NHS: variants seen among roughly 807,000 people sequenced by gnomAD.
The protein encoded by NHS is NHS actin remodeling regulator, also known as actin remodeling regulator NHS.
NHS carries 5 observed loss-of-function variants against 72.5 expected under a neutral mutation model. The observed-to-expected ratio is 0.07, with a 90% CI of 0.04 to 0.14. The LOEUF (loss-of-function observed/expected upper bound fraction) is 0.14. Ranked by LOEUF, NHS falls within the 10% of genes least tolerant of loss-of-function variation. NHS has a pLI of 1.00. For missense variants in NHS, 1,072 were observed against 1,355.7 expected (o/e 0.79, Z 3.29); for synonymous variants, 464 against 547.7 (o/e 0.85, Z 2.13).
At chrX:17,485,316 G>GA (rs1180465442) in intron 1 of NHS, among the ~76,000 whole-genome samples, 2 of 112,453 alleles carry the variant, frequency 1.8e-5, no homozygotes, top group African/African-American at 6.5e-5. Flanking sequence ...TTGCACATAA[G>GA]AAAAAAATAT....
Position 17,385,024 on chromosome X carries a change from G to A in NHS, c.565+8702G>A, listed in dbSNP as rs745969299. Among the ~76,000 whole-genome samples, 12 of 112,000 alleles carry A rather than the reference G, an allele frequency of 1.1e-4. No homozygotes were observed. In the East Asian group the frequency reaches 3.4e-3, roughly 31 times the overall value. On this transcript the variant is annotated intron_variant, in intron 1 of 8. Transcript: ENST00000676302. Reference sequence around the variant, plus strand: ...AAATAAAAATAATGAGGTAGGAATGGTTCCTGAATGTAAGGATCTCATTCT... The same window carrying A: ...AAATAAAAATAATGAGGTAGGAATGATTCCTGAATGTAAGGATCTCATTCT...
intron 1 of NHS, among the ~76,000 whole-genome samples, chrX:17,415,417 C>A (rs1339260909): frequency 9.0e-6 from 1 of 111,035 alleles, no homozygotes; most frequent in Admixed American, 9.6e-5. Flanking sequence ...CCCTTCCCTC[C>A]CTCATTTCCT....
At chrX:17,477,250 A>G (rs1319132423) in intron 1 of NHS, among the ~76,000 whole-genome samples, 1 of 111,961 alleles carries the variant, frequency 8.9e-6, no homozygotes, top group East Asian at 2.8e-4. Flanking sequence ...AGAAGTGGAT[A>G]TGTGAGTGAA....
chrX:17,592,007 C>A (rs907344220), intron 1 of NHS, among the ~76,000 whole-genome samples: 4 of 102,351 alleles, frequency 3.9e-5, no homozygotes, highest in African/African-American at 1.8e-4. Context: ...GAGTGGTCCA[C>A]TGATGTGTGT....
intron 1 of NHS, among the ~76,000 whole-genome samples, chrX:17,634,432 A>T (rs1197896278): frequency 9.0e-6 from 1 of 110,783 alleles, no homozygotes; most frequent in Non-Finnish European, 1.9e-5. Flanking sequence ...CTCGTCTCCC[A>T]CTCTTCATTA....
intron 1 of NHS, among the ~76,000 whole-genome samples, chrX:17,494,076 CTTTTTTTT>C (rs749475125): frequency 4.1e-5 from 3 of 73,321 alleles, no homozygotes; most frequent in Non-Finnish European, 7.6e-5. Context: ...TCCTGGATGA[CTTTTTTTT>C]TTTTTTTTTT....
chrX:17,454,203 T>C (rs1384200873), intron 1 of NHS, among the ~76,000 whole-genome samples: 1 of 111,928 alleles, frequency 8.9e-6, no homozygotes. Flanking sequence ...GGCTATTTGA[T>C]AGCATTGAAG....
At chrX:17,454,787 C>T (rs193212784) in intron 1 of NHS, among the ~76,000 whole-genome samples, 442 of 112,110 alleles carry the variant, frequency 3.9e-3, no homozygotes, top group South Asian at 9.3e-3. Flanking sequence ...AAGGCATCTA[C>T]GGACTCCATC....
At chrX:17,710,316 T>C (rs866334781) in intron 3 of NHS, among the ~76,000 whole-genome samples, 3 of 112,821 alleles carry the variant, frequency 2.7e-5, no homozygotes, top group African/African-American at 9.7e-5. Context: ...AATATTGGCC[T>C]GGCTGTGGAA....
intron 1 of NHS, among the ~76,000 whole-genome samples, chrX:17,597,039 G>A (rs1426998062): frequency 9.0e-6 from 1 of 110,810 alleles, no homozygotes; most frequent in East Asian, 2.8e-4. Context: ...GTGTGCCCAA[G>A]GTGTAAAGGG....
chrX:17,553,958 G>A (rs898506547), intron 1 of NHS, among the ~76,000 whole-genome samples: 4 of 111,609 alleles, frequency 3.6e-5, no homozygotes, highest in East Asian at 2.8e-4. Flanking sequence ...ACAGAATGGG[G>A]GCAAGACATT....
At chrX:17,418,958 A>G (rs1273852235) in intron 1 of NHS, among the ~76,000 whole-genome samples, 1 of 112,623 alleles carries the variant, frequency 8.9e-6, no homozygotes, top group East Asian at 2.8e-4. Context: ...TAAGGCTCTC[A>G]GAGCAGAGAC....
At chrX:17,565,771 C>A (rs2065440053) in intron 1 of NHS, among the ~76,000 whole-genome samples, 1 of 112,411 alleles carries the variant, frequency 8.9e-6, no homozygotes, top group African/African-American at 3.2e-5. Flanking sequence ...ATGTAGTAGA[C>A]ACCTCATATG....
At chrX:17,390,638 C>T (rs912435477) in intron 1 of NHS, among the ~76,000 whole-genome samples, 2 of 111,922 alleles carry the variant, frequency 1.8e-5, no homozygotes, top group African/African-American at 6.5e-5. Context: ...GGAAGATTTT[C>T]AAACAGTATC....
chrX:17,555,577 C>T (rs1471360946), intron 1 of NHS, among the ~76,000 whole-genome samples: 1 of 111,774 alleles, frequency 8.9e-6, no homozygotes, highest in Admixed American at 9.5e-5. Context: ...AGTGCTGTTC[C>T]TCTCTCTAGC....
At chrX:17,654,906 A>G (rs1297335315) in intron 1 of NHS, among the ~76,000 whole-genome samples, 1 of 112,421 alleles carries the variant, frequency 8.9e-6, no homozygotes, top group Admixed American at 9.3e-5. Flanking sequence ...AACTTAAGCT[A>G]TGGGCACACA....
intron 1 of NHS, among the ~76,000 whole-genome samples, chrX:17,502,720 C>T (rs1363937747): frequency 6.4e-5 from 1 of 15,616 alleles, no homozygotes; most frequent in Admixed American, 5.2e-4. Flanking sequence ...ACCCGGGAGG[C>T]GGAGCTTGCA....
chrX:17,633,275 C>G (rs1033660089), intron 1 of NHS, among the ~76,000 whole-genome samples: 4 of 111,985 alleles, frequency 3.6e-5, no homozygotes, highest in African/African-American at 1.3e-4. Context: ...ACAAGTCCTG[C>G]TGATCTCTTT....
At chrX:17,446,864 A>G (rs921673210) in intron 1 of NHS, among the ~76,000 whole-genome samples, 6 of 111,923 alleles carry the variant, frequency 5.4e-5, no homozygotes, top group African/African-American at 1.9e-4. Flanking sequence ...GTGTCACCAA[A>G]TATTCTTTTA....
Sources: gnomAD v4.1 joint callset for allele counts (sites outside exome capture counted in the v4.1 genomes callset) on GRCh38, gnomAD v4.1.1 for gene constraint, MANE v1.5 for transcripts, NCBI Gene and HGNC (gene_info 2026-07-23, HGNC 2026-07-21) for gene names.